The following LY9 variants were observed in gnomAD, a reference collection of about 807,000 sequenced individuals.
The protein encoded by LY9 is lymphocyte antigen 9.
In LY9, 59 loss-of-function variants were observed where a neutral mutation model predicts 64.6. That is an observed-to-expected ratio of 0.91 (90% CI 0.74 to 1.13). LY9 has a LOEUF of 1.13. Among genes scored for constraint, LY9 ranks in the 50% most tolerant of loss-of-function variants. The pLI, the probability that LY9 is intolerant of heterozygous loss-of-function variation, is 0.00. For missense variants in LY9, 789 were observed against 797.2 expected (o/e 0.99, Z 0.12); for synonymous variants, 281 against 308.5 (o/e 0.91, Z 0.93).
chr1:160,799,592 A>G (rs951377073), intron 1 of LY9, 161 bp from the exon 2 acceptor site: 1 of 583,098 alleles, frequency 1.7e-6, no homozygotes. Flanking sequence ...GGAGGAATTA[A>G]TGACTGTGCT....
In LY9 at chr1:160,814,551, A is replaced by C; in HGVS notation, c.862A>C (p.Ile288Leu). 6.2e-7 allele frequency: 1 copy of C among 1,614,158 alleles called. No individual in the cohort carries two copies. The highest frequency in any genetic ancestry group is 8.5e-7 in the Non-Finnish European group (1 of 1,180,002). Residue 288 changes from isoleucine (I) to leucine (L), a missense_variant, in exon 4 of 10, where the codon ATC becomes CTC. Ile to Leu is a conservative substitution (Grantham distance 5). Transcript: ENST00000263285. ...GGTTGTCTGGTTGTTTAACACATCC[A>C]TCATTAGCAAAGAGAGGGAAGAAGC... is the stretch of plus-strand genomic sequence containing the variant. ...EKVVWLFNTS[I>L]ISKEREEAAT...
At chr1:160,796,390 T>A (rs1218063397) in intron 1 of LY9, 79 bp downstream of exon 1, 1 of 1,357,710 alleles carries the variant, frequency 7.4e-7, no homozygotes, top group African/African-American at 2.3e-5. Flanking sequence ...TGGGAGATTC[T>A]TTTTTTTGTT....
At chr1:160,807,920 G>A (rs1667132952) in intron 2 of LY9, among the ~76,000 whole-genome samples, 2 of 152,122 alleles carry the variant, frequency 1.3e-5, no homozygotes, top group Admixed American at 1.3e-4. Context: ...AGTGGTGAAA[G>A]CAAACACCAG....
Position 160,814,582 on chromosome 1 carries a change from C to A in LY9, c.893C>A (p.Thr298Lys), listed in dbSNP as rs199988886. ...AGCAAAGAGAGGGAAGAAGCAGCAA[C>A]GGCAGATCCACTCATTAAATCCAGG... ...IISKEREEAA[T>K]ADPLIKSRDP... is the part of the protein sequence containing the mutation. Residue 298 changes from threonine (T) to lysine (K), a missense_variant, in exon 4 of 10, where the codon ACG becomes AAG. Coordinates refer to ENST00000263285, the MANE Select transcript of LY9 (RefSeq NM_002348.4). The A allele has an allele frequency of 6.2e-7, 1 of 1,614,014 alleles. No homozygotes were observed. The highest frequency in any genetic ancestry group is 8.5e-7 in the Non-Finnish European group (1 of 1,180,028).
chr1:160,812,235 C>T (rs1451806751), intron 2 of LY9: 3 of 152,208 alleles, frequency 2.0e-5, no homozygotes, highest in Admixed American at 6.5e-5. Context: ...GTGCTCTAAT[C>T]TCATCTTCTT....
chr1:160,807,002 A>G (rs1389757611), intron 2 of LY9, among the ~76,000 whole-genome samples: 2 of 152,170 alleles, frequency 1.3e-5, no homozygotes, highest in Non-Finnish European at 2.9e-5. Context: ...TCTTCAGCCT[A>G]ATCTAGTTTA....
chr1:160,799,738 C>T lies in LY9; in HGVS notation c.125-15C>T. 1 of 1,577,470 alleles carries T rather than the reference C, an allele frequency of 6.3e-7. No homozygotes were observed. Among genetic ancestry groups the T allele is most frequent in the Non-Finnish European group, 8.7e-7 (1 of 1,153,294 alleles). On this transcript the variant is annotated splice_polypyrimidine_tract_variant and intron_variant, in intron 1 of 9. Coordinates refer to ENST00000263285, the MANE Select transcript of LY9 (RefSeq NM_002348.4). ...AGTCTAGCTGCTCCTCCAAGTCCCT[C>T]TTCTATCTCTGCAGGACTAAGAGCC... is the stretch of plus-strand genomic sequence containing the variant.
At chr1:160,826,892 A>G (rs1216652636) in intron 9 of LY9, among the ~76,000 whole-genome samples, 1 of 152,180 alleles carries the variant, frequency 6.6e-6, no homozygotes, top group African/African-American at 2.4e-5. Context: ...TGTTTGGGTC[A>G]ATACCGGTCA....
chr1:160,813,507 G>A, intron 2 of LY9, 129 bp from the exon 3 acceptor site: 3 of 826,764 alleles, frequency 3.6e-6, no homozygotes, highest in African/African-American at 3.4e-5. Flanking sequence ...CAGAGAAGAT[G>A]TCCCTGCGAC....
chr1:160,815,457 G>T (rs1334128075), intron 4 of LY9: 1 of 152,290 alleles, frequency 6.6e-6, no homozygotes, highest in Non-Finnish European at 1.5e-5. Flanking sequence ...CACGATCTCA[G>T]CTCACTGCAA....
chr1:160,823,329 G>A (rs1226291708), intron 7 of LY9, 136 bp from the exon 8 acceptor site: 2 of 602,196 alleles, frequency 3.3e-6, no homozygotes, highest in Non-Finnish European at 5.8e-6. Context: ...CCTGAGGGAA[G>A]ACAGGACAAA....
In LY9 at chr1:160,816,854, A is replaced by G. The variant is rs1210092339; in HGVS notation, c.1333A>G (p.Ile445Val). The change falls in exon 5 of 10, where the codon ATC becomes GTC. Residue 445 changes from isoleucine (I) to valine (V), a missense_variant. Physicochemically the swap from Ile to Val is conservative, Grantham distance 29 (BLOSUM62 3). Transcript: ENST00000263285. Reference sequence around the variant, plus strand: ...TTCCCACCAGTTTCTTTCTGAGAACATCTGTTCAGGTTTCTCTCCATCTCT... The same window carrying G: ...TTCCCACCAGTTTCTTTCTGAGAACGTCTGTTCAGGTTTCTCTCCATCTCT... ...RSSHQFLSEN[I>V]CSGPERNTKL... is the part of the protein sequence containing the mutation. 2 of 1,614,190 alleles carry G rather than the reference A, an allele frequency of 1.2e-6. No individual in the cohort carries two copies. Among genetic ancestry groups the G allele is most frequent in the South Asian group, 1.1e-5 (1 of 91,082 alleles).
chr1:160,814,908 G>T, intron 4 of LY9, 147 bp downstream of exon 4: 3 of 654,734 alleles, frequency 4.6e-6, no homozygotes, highest in Non-Finnish European at 7.8e-6. Context: ...GTTCACACCA[G>T]TTGATTCATA....
At chr1:160,805,155 G>A (rs1375183697) in intron 2 of LY9, among the ~76,000 whole-genome samples, 1 of 151,846 alleles carries the variant, frequency 6.6e-6, no homozygotes, top group South Asian at 2.1e-4. Flanking sequence ...GGCTTAGTTT[G>A]TTCTTGCTTT....
chr1:160,814,312 G>A, intron 3 of LY9, 108 bp from the exon 4 acceptor site: 2 of 814,910 alleles, frequency 2.5e-6, no homozygotes, highest in Non-Finnish European at 4.0e-6. Context: ...CCAGGAGAAA[G>A]AGGAAGAGGA....
rs1369115763 is a variant in LY9 at position 160,827,755 on chromosome 1, C to T, written c.1907C>T (p.Pro636Leu). 1.2e-6 allele frequency: 2 copies of T among 1,607,588 alleles called. No individual in the cohort carries two copies. The highest frequency in any genetic ancestry group is 1.7e-6 in the Non-Finnish European group (2 of 1,177,030). The change falls in exon 10 of 10, where the codon CCA becomes CTA. Residue 636 changes from proline (P) to leucine (L), a missense_variant. Coordinates refer to ENST00000263285, the MANE Select transcript of LY9 (RefSeq NM_002348.4). ...YCSIRKPQVV[P>L]PPQQNDLEIP... ...TGGATTTTTGGCTCACAGGTGGTGC[C>T]ACCACCACAACAGAATGATCTTGAG...
chr1:160,826,278 T>G (rs867347225), intron 9 of LY9, among the ~76,000 whole-genome samples: 58 of 152,228 alleles, frequency 3.8e-4, no homozygotes, highest in African/African-American at 1.3e-3. Context: ...GAAGGGTTGG[T>G]CTTGTTCTTT....
At chr1:160,810,352 C>G (rs1667370816) in intron 2 of LY9, 1 of 152,186 alleles carries the variant, frequency 6.6e-6, no homozygotes, top group Non-Finnish European at 1.5e-5. Flanking sequence ...AATCCAAGTT[C>G]AAGGTGTTGG....
intron 2 of LY9, among the ~76,000 whole-genome samples, chr1:160,803,797 C>T (rs1219695472): frequency 6.6e-6 from 1 of 152,062 alleles, no homozygotes; most frequent in East Asian, 1.9e-4. Flanking sequence ...TGCTTGAGCT[C>T]GGAAGTTCAA....
Sources: allele counts gnomAD v4.1 joint callset (sites outside exome capture counted in the v4.1 genomes callset), GRCh38; gene constraint gnomAD v4.1.1; transcripts MANE v1.5; gene names NCBI Gene and HGNC (gene_info 2026-07-23, HGNC 2026-07-21).